The following ROBO2 variants were observed in gnomAD, a reference collection of about 807,000 sequenced individuals.
The protein encoded by ROBO2 is roundabout homolog 2.
In ROBO2, 53 loss-of-function variants were observed where a neutral mutation model predicts 160.8. The observed-to-expected ratio is 0.33, with a 90% CI of 0.26 to 0.41. ROBO2 has a LOEUF of 0.41. Ranked by LOEUF, ROBO2 falls within the 10% of genes least tolerant of loss-of-function variation. The probability of loss-of-function intolerance (pLI) is 1.00; values close to 1 mark genes in which losing one functional copy is unlikely to be tolerated. For synonymous variants in ROBO2, 664 were observed against 611.7 expected (o/e 1.09, Z -1.26); for missense variants, 1,577 against 1,722.4 (o/e 0.92, Z 1.49).
chr3:76,372,147 T>G (rs1013094886), intron 2 of ROBO2, among the ~76,000 whole-genome samples: 2 of 151,972 alleles, frequency 1.3e-5, no homozygotes, highest in Non-Finnish European at 2.9e-5. Flanking sequence ...TATTTCCCTT[T>G]TGTTACTTTA....
intron 2 of ROBO2, among the ~76,000 whole-genome samples, chr3:76,530,689 T>C (rs1021779891): frequency 1.3e-5 from 2 of 152,188 alleles, no homozygotes; most frequent in African/African-American, 4.8e-5. Flanking sequence ...TCTTCTATGC[T>C]CCTTCAACTC....
chr3:77,134,488 G>A (rs2076115862), intron 2 of ROBO2, among the ~76,000 whole-genome samples: 1 of 152,186 alleles, frequency 6.6e-6, no homozygotes. Context: ...AAACAGGAAG[G>A]AGAAACTGAA....
At chr3:77,467,591 CTAT>C (rs2153577153) in intron 2 of ROBO2, among the ~76,000 whole-genome samples, 1 of 76,776 alleles carries the variant, frequency 1.3e-5, no homozygotes, top group Non-Finnish European at 2.5e-5. Flanking sequence ...CTGTCTGTAT[CTAT>C]CTATCTATCT....
Position 76,769,935 on chromosome 3 carries a change from A to T in ROBO2, c.110-328079A>T, listed in dbSNP as rs577269777. 4.5e-4 allele frequency among the ~76,000 whole-genome samples: 68 copies of T among 151,596 alleles called. 1 individual carries two copies. Among genetic ancestry groups the T allele is most frequent in the African/African-American group, 1.6e-3 (66 of 41,504 alleles). ...GTTCTGCATTCCTGCAGTCTCTCTT[A>T]AATGACTATTTTCCATTCTTGAATA... On this transcript the variant is annotated intron_variant, in intron 2 of 26. Transcript: ENST00000487694.
intron 7 of ROBO2, among the ~76,000 whole-genome samples, chr3:77,549,865 A>G (rs1386351620): frequency 6.6e-6 from 1 of 152,026 alleles, no homozygotes; most frequent in Non-Finnish European, 1.5e-5. Context: ...AAAATTAATT[A>G]CTATATGGAG....
chr3:76,553,036 G>A (rs1199570285), intron 2 of ROBO2, among the ~76,000 whole-genome samples: 8 of 152,226 alleles, frequency 5.3e-5, no homozygotes, highest in African/African-American at 1.9e-4. Flanking sequence ...CAAGTGGTGG[G>A]GTAGACGGCT....
chr3:76,391,521 C>CTT (rs11329652), intron 2 of ROBO2, among the ~76,000 whole-genome samples: 1 of 148,062 alleles, frequency 6.8e-6, no homozygotes, highest in Non-Finnish European at 1.5e-5. Flanking sequence ...GATGGTGATA[C>CTT]TTTTTTTTTT....
intron 2 of ROBO2, among the ~76,000 whole-genome samples, chr3:77,460,322 G>A (rs1031287724): frequency 6.6e-6 from 1 of 152,068 alleles, no homozygotes; most frequent in African/African-American, 2.4e-5. Context: ...AGACTTGTAT[G>A]GCGAAAACCA....
intron 2 of ROBO2, among the ~76,000 whole-genome samples, chr3:76,651,571 C>T (rs956923782): frequency 2.0e-5 from 3 of 151,520 alleles, no homozygotes; most frequent in East Asian, 1.9e-4. Flanking sequence ...TAAAGAGTGG[C>T]CCTCCAGCCC....
At chr3:76,714,639 C>A (rs966234483) in intron 2 of ROBO2, among the ~76,000 whole-genome samples, 1 of 152,128 alleles carries the variant, frequency 6.6e-6, no homozygotes, top group Non-Finnish European at 1.5e-5. Context: ...CCCCATAACT[C>A]AGAATTTGGA....
At chr3:77,620,584 T>A (rs1273426483) in intron 22 of ROBO2, among the ~76,000 whole-genome samples, 1 of 152,202 alleles carries the variant, frequency 6.6e-6, no homozygotes, top group African/African-American at 2.4e-5. Context: ...GAATGCTGAA[T>A]ACTAACTTGG....
intron 2 of ROBO2, among the ~76,000 whole-genome samples, chr3:76,876,820 G>T (rs1159093729): frequency 1.3e-5 from 2 of 152,084 alleles, no homozygotes; most frequent in African/African-American, 4.8e-5. Context: ...CATGCAAGAA[G>T]AAAAATTCAC....
intron 2 of ROBO2, among the ~76,000 whole-genome samples, chr3:76,726,333 G>A (rs974911437): frequency 6.6e-6 from 1 of 151,910 alleles, no homozygotes; most frequent in African/African-American, 2.4e-5. Context: ...TTAATTATTA[G>A]TAGTTCTAAA....
intron 2 of ROBO2, among the ~76,000 whole-genome samples, chr3:76,261,168 A>AT (rs1706722815): frequency 8.1e-6 from 1 of 122,746 alleles, no homozygotes; most frequent in Non-Finnish European, 1.9e-5. Context: ...AAACTAAATT[A>AT]TGTGTGTGTG....
At chr3:76,665,152 T>A (rs527389254) in intron 2 of ROBO2, among the ~76,000 whole-genome samples, 143 of 152,326 alleles carry the variant, frequency 9.4e-4, no homozygotes, top group Non-Finnish European at 1.7e-3. Flanking sequence ...GTTTTCCTTT[T>A]CTATTCTCAG....
Position 76,992,369 on chromosome 3 carries a change from A to ATATT in ROBO2, c.110-105645_110-105644insTATT, listed in dbSNP as rs1491181246. 6.3e-3 allele frequency among the ~76,000 whole-genome samples: 189 copies of ATATT among 30,190 alleles called. 4 individuals are homozygous for ATATT. Among genetic ancestry groups the ATATT allele is most frequent in the East Asian group, 0.024 (7 of 296 alleles). 19.8% of individuals were successfully genotyped at this position (30,190 alleles called of 152,430 possible). On this transcript the variant is annotated intron_variant, in intron 2 of 26. Transcript: ENST00000487694. ...TATATATATATATATATATATATAT[A>ATATT]AATTTAGCTTTTGTAAAAAAAAAGT...
At chr3:77,355,759 G>T (rs1232749647) in intron 2 of ROBO2, among the ~76,000 whole-genome samples, 1 of 152,002 alleles carries the variant, frequency 6.6e-6, no homozygotes, top group Admixed American at 6.6e-5. Context: ...AAAACGTGGA[G>T]AAAAATTACA....
At chr3:76,651,036 T>G (rs1045390451) in intron 2 of ROBO2, among the ~76,000 whole-genome samples, 13 of 152,140 alleles carry the variant, frequency 8.5e-5, no homozygotes, top group Non-Finnish European at 1.5e-4. Flanking sequence ...TTACTTTACT[T>G]GCAAAGAGTG....
intron 2 of ROBO2, among the ~76,000 whole-genome samples, chr3:76,388,906 A>C (rs1011881993): frequency 6.6e-6 from 1 of 152,178 alleles, no homozygotes. Context: ...TTGCCTTAAA[A>C]AATCTTTTCA....
Sources: gnomAD v4.1 joint callset for allele counts (sites outside exome capture counted in the v4.1 genomes callset) on GRCh38, gnomAD v4.1.1 for gene constraint, MANE v1.5 for transcripts, NCBI Gene and HGNC (gene_info 2026-07-23, HGNC 2026-07-21) for gene names.